Variants in XYLT1 observed in about 807,000 individuals in gnomAD.
The protein encoded by XYLT1 is xylosyltransferase 1, also known as beta-D-xylosyltransferase 1.
XYLT1 carries 36 observed loss-of-function variants against 91.3 expected under a neutral mutation model. That is an observed-to-expected ratio of 0.39 (90% CI 0.30 to 0.52). XYLT1 has a LOEUF of 0.52. Ranked by LOEUF, XYLT1 falls within the 20% of genes least tolerant of loss-of-function variation. The pLI, the probability that XYLT1 is intolerant of heterozygous loss-of-function variation, is 0.68. For missense variants in XYLT1, 1,242 were observed against 1,284.5 expected (o/e 0.97, Z 0.51); for synonymous variants, 588 against 532.0 (o/e 1.11, Z -1.45).
intron 2 of XYLT1, among the ~76,000 whole-genome samples, chr16:17,295,874 T>C (rs2141804635): frequency 6.6e-6 from 1 of 152,302 alleles, no homozygotes; most frequent in Non-Finnish European, 1.5e-5. Context: ...TCTAGACCAC[T>C]GTAAGGCCTC....
rs769157012 is a variant in XYLT1 at position 17,117,673 on chromosome 16, A to G, written c.2530T>C (p.Phe844Leu). 3 of 1,612,468 alleles carry G rather than the reference A, an allele frequency of 1.9e-6. No individual in the cohort carries two copies. The highest frequency in any genetic ancestry group is 2.5e-6 in the Non-Finnish European group (3 of 1,178,664). Reference sequence around the variant, plus strand: ...GGTTTGATGGGCTGCCTGTTCGAGAAGGTCAGAGGCGCAACGAGGAATTTG... The same window carrying G: ...GGTTTGATGGGCTGCCTGTTCGAGAGGGTCAGAGGCGCAACGAGGAATTTG... ...ETKFLVAPLTFSNRQPIKPEE... is the reference protein window; with the variant it reads ...ETKFLVAPLTLSNRQPIKPEE... The change falls in exon 11 of 12, where the codon TTC becomes CTC. Residue 844 changes from phenylalanine (F) to leucine (L), a missense_variant. Around this residue, in one of 3 missense-constraint regions of XYLT1, gnomAD observed 511 missense variants for 497.0 expected, o/e 1.03. Coordinates refer to ENST00000261381, the MANE Select transcript of XYLT1 (RefSeq NM_022166.4).
intron 1 of XYLT1, among the ~76,000 whole-genome samples, chr16:17,358,733 C>T (rs944439084): frequency 2.0e-5 from 3 of 152,054 alleles, no homozygotes; most frequent in Non-Finnish European, 4.4e-5. Context: ...AGTTTGGCTC[C>T]GTAAGAGGAT....
At chr16:17,232,429 G>GTGTGTGTGTATATATATATATATATA in intron 3 of XYLT1, among the ~76,000 whole-genome samples, 1 of 121,730 alleles carries the variant, frequency 8.2e-6, no homozygotes. Flanking sequence ...GTGTGTGTGT[G>GTGTGTGTGTATATATATATATATATA]TATATATATA....
At chr16:17,138,791 G>A (rs768936847) in intron 7 of XYLT1, 6 of 399,198 alleles carry the variant, frequency 1.5e-5, no homozygotes, top group Middle Eastern at 1.4e-3. Flanking sequence ...CTACCTGACT[G>A]TCAAGGGACT....
intron 2 of XYLT1, among the ~76,000 whole-genome samples, chr16:17,333,220 TAA>T (rs908097276): frequency 2.6e-5 from 4 of 152,214 alleles, no homozygotes; most frequent in African/African-American, 9.6e-5. Context: ...CTGTGTTTTT[TAA>T]AAAAGTAAAA....
chr16:17,175,060 C>T (rs1296852274), intron 5 of XYLT1, among the ~76,000 whole-genome samples: 2 of 152,158 alleles, frequency 1.3e-5, no homozygotes, highest in Middle Eastern at 3.2e-3. Context: ...TGTGTGCCAC[C>T]ACATCCAGCC....
intron 10 of XYLT1, among the ~76,000 whole-genome samples, chr16:17,121,928 C>CGTTCCTTTTTATGGCTGAGTAGT (rs1293910278): frequency 6.6e-6 from 1 of 151,980 alleles, no homozygotes; most frequent in Non-Finnish European, 1.5e-5. Context: ...ACCATTGTTT[C>CGTTCCTTTTTATGGCTGAGTAGT]GTTCCTTTTT....
chr16:17,307,332 C>G (rs1043018706), intron 2 of XYLT1, among the ~76,000 whole-genome samples: 4 of 152,156 alleles, frequency 2.6e-5, no homozygotes, highest in Non-Finnish European at 5.9e-5. Flanking sequence ...GCTTCGGCCT[C>G]CCAAAATGTT....
In XYLT1 at chr16:17,366,716, A is replaced by AAACC. The variant is rs553674732; in HGVS notation, c.364-8670_364-8667dup. 1.1e-4 allele frequency among the ~76,000 whole-genome samples: 16 copies of AAACC among 152,232 alleles called. No individual in the cohort carries two copies. In the South Asian group the frequency reaches 3.3e-3, roughly 32 times the overall value. ...TCTTAAAACAAACAAACAAACAAAC[A>AAACC]AACCAACCTTACAAGAACTCCAGGA... On this transcript the variant is annotated intron_variant, in intron 1 of 11. Coordinates refer to ENST00000261381, the MANE Select transcript of XYLT1 (RefSeq NM_022166.4).
chr16:17,187,158 G>A (rs182655775), intron 5 of XYLT1, among the ~76,000 whole-genome samples: 40 of 152,046 alleles, frequency 2.6e-4, no homozygotes, highest in African/African-American at 8.9e-4. Context: ...TTGGGAGGCC[G>A]AGGTGGGCAG....
intron 3 of XYLT1, among the ~76,000 whole-genome samples, chr16:17,252,946 T>C (rs2033564617): frequency 6.6e-6 from 1 of 152,312 alleles, no homozygotes; most frequent in Non-Finnish European, 1.5e-5. Context: ...TGCTTATATG[T>C]ATATGAATAT....
chr16:17,431,845 G>C (rs1336068321), intron 1 of XYLT1, among the ~76,000 whole-genome samples: 2 of 152,364 alleles, frequency 1.3e-5, no homozygotes, highest in South Asian at 4.1e-4. Flanking sequence ...CTGCAGGGGT[G>C]TGTGGCTAGC....
chr16:17,304,957 A>C (rs200444352), intron 2 of XYLT1, among the ~76,000 whole-genome samples: 2 of 152,182 alleles, frequency 1.3e-5, no homozygotes, highest in East Asian at 1.9e-4. Context: ...GCCCAGAAAG[A>C]AAGGGTGACA....
At chr16:17,424,613 T>A (rs1316541003) in intron 1 of XYLT1, among the ~76,000 whole-genome samples, 2 of 152,056 alleles carry the variant, frequency 1.3e-5, no homozygotes, top group Non-Finnish European at 2.9e-5. Flanking sequence ...GCTCATGCCG[T>A]GATCCCAGCA....
chr16:17,298,756 G>C (rs2034352124), intron 2 of XYLT1, among the ~76,000 whole-genome samples: 1 of 152,088 alleles, frequency 6.6e-6, no homozygotes, highest in Non-Finnish European at 1.5e-5. Context: ...GCTGTCACTT[G>C]CCTCAGGGCC....
intron 2 of XYLT1, among the ~76,000 whole-genome samples, chr16:17,261,825 G>A (rs1312836238): frequency 1.3e-5 from 2 of 152,100 alleles, no homozygotes; most frequent in South Asian, 2.1e-4. Context: ...GTCCATATTG[G>A]GTCACAGGGC....
intron 2 of XYLT1, among the ~76,000 whole-genome samples, chr16:17,275,187 A>G (rs955286841): frequency 9.9e-5 from 15 of 152,132 alleles, no homozygotes; most frequent in African/African-American, 3.4e-4. Flanking sequence ...AAAAATAAAC[A>G]AACACATCAA....
intron 2 of XYLT1, among the ~76,000 whole-genome samples, chr16:17,283,850 T>C (rs1016775002): frequency 6.6e-6 from 1 of 152,196 alleles, no homozygotes; most frequent in African/African-American, 2.4e-5. Context: ...TCTTCAACGA[T>C]ATTTCCATTT....
At chr16:17,276,698 G>C (rs1471598676) in intron 2 of XYLT1, among the ~76,000 whole-genome samples, 1 of 152,156 alleles carries the variant, frequency 6.6e-6, no homozygotes, top group East Asian at 1.9e-4. Flanking sequence ...TGGTGATCAT[G>C]ATATGCTACC....
Sources: allele counts gnomAD v4.1 joint callset (sites outside exome capture counted in the v4.1 genomes callset), GRCh38; gene constraint gnomAD v4.1.1; regional missense constraint gnomAD v4.1.1; transcripts MANE v1.5; gene names NCBI Gene and HGNC (gene_info 2026-07-23, HGNC 2026-07-21).